Variants in OXR1 observed in about 807,000 individuals in gnomAD.
The protein encoded by OXR1 is oxidation resistance protein 1.
Under a neutral mutation model 104.6 loss-of-function variants are expected in OXR1, and 41 were observed. The observed-to-expected ratio is 0.39, with a 90% CI of 0.31 to 0.51. The LOEUF is 0.51. Ranked by LOEUF, OXR1 falls within the 20% of genes least tolerant of loss-of-function variation. OXR1 has a pLI of 0.77. For synonymous variants in OXR1, 348 were observed against 348.4 expected (o/e 1.00, Z 0.01); for missense variants, 955 against 1,031.9 (o/e 0.93, Z 1.02).
intron 3 of OXR1, among the ~76,000 whole-genome samples, chr8:106,590,493 G>A (rs1249181638): frequency 5.9e-5 from 9 of 152,080 alleles, no homozygotes; most frequent in Admixed American, 5.9e-4. Context: ...TCACCATGTT[G>A]GCCAGGATGG....
At chr8:106,549,321 C>A (rs976913842) in intron 3 of OXR1, among the ~76,000 whole-genome samples, 1 of 150,252 alleles carries the variant, frequency 6.7e-6, no homozygotes, top group African/African-American at 2.5e-5. Flanking sequence ...ATGGCTACTT[C>A]GTTTATTACT....
chr8:106,726,267 A>G (rs774471261), intron 11 of OXR1: 3 of 1,530,388 alleles, frequency 2.0e-6, no homozygotes, highest in South Asian at 2.4e-5. Flanking sequence ...GGTATGGGAA[A>G]AAAGGGAGAA....
At chr8:106,556,878 CAGCTAGTCTG>C (rs1024782335) in intron 3 of OXR1, among the ~76,000 whole-genome samples, 3 of 152,210 alleles carry the variant, frequency 2.0e-5, no homozygotes, top group African/African-American at 7.2e-5. Context: ...TGTTTCCTAA[CAGCTAGTCTG>C]AGCTTTCCTC....
At chr8:106,645,107 T>C (rs1481740922) in intron 3 of OXR1, among the ~76,000 whole-genome samples, 1 of 152,120 alleles carries the variant, frequency 6.6e-6, no homozygotes, top group Non-Finnish European at 1.5e-5. Flanking sequence ...CTACATAATG[T>C]ATAGGCTCTA....
chr8:106,600,363 G>A (rs3101545), intron 3 of OXR1, among the ~76,000 whole-genome samples: 90,903 of 151,972 alleles, frequency 0.6, 28,032 homozygotes, highest in African/African-American at 0.76. Flanking sequence ...AGTTTAGCCC[G>A]GCCTAGACTA....
chr8:106,752,262 G>A lies in OXR1; in HGVS notation c.*1321G>A, dbSNP rs1237042845. The A allele has an allele frequency of 1.3e-5, 2 of 152,432 alleles. No homozygotes were observed. Among genetic ancestry groups the A allele is most frequent in the African/African-American group, 4.8e-5 (2 of 41,406 alleles). 9.4% of individuals were successfully genotyped at this position (152,432 alleles called of 1,614,324 possible). On this transcript the variant is annotated 3_prime_UTR_variant, in exon 17 of 17. Coordinates refer to ENST00000517566, the MANE Select transcript of OXR1 (RefSeq NM_001198533.2). ...TTCTTACAGAAAGTGTTGATTGCCAGGTTGCTTATAGCACTTTAAGTTATT... is the reference window on the plus strand; with the variant it reads ...TTCTTACAGAAAGTGTTGATTGCCAAGTTGCTTATAGCACTTTAAGTTATT...
intron 2 of OXR1, among the ~76,000 whole-genome samples, chr8:106,492,359 A>G (rs928967311): frequency 6.6e-6 from 1 of 152,346 alleles, no homozygotes; most frequent in Non-Finnish European, 1.5e-5. Flanking sequence ...TTAAAAAGAA[A>G]GCTAAAACTT....
chr8:106,404,332 T>C (rs1399174679), intron 2 of OXR1, among the ~76,000 whole-genome samples: 2 of 152,278 alleles, frequency 1.3e-5, no homozygotes, highest in East Asian at 3.9e-4. Flanking sequence ...CATCAGAGTT[T>C]TCCTACATAT....
At chr8:106,714,634 C>T (rs577533662) in intron 11 of OXR1, among the ~76,000 whole-genome samples, 6 of 152,096 alleles carry the variant, frequency 3.9e-5, no homozygotes, top group African/African-American at 1.4e-4. Context: ...TACATATTAC[C>T]TTTTACATGC....
chr8:106,665,332 G>A (rs1826175266), intron 3 of OXR1, among the ~76,000 whole-genome samples: 1 of 152,180 alleles, frequency 6.6e-6, no homozygotes. Flanking sequence ...ACAGATGTGG[G>A]TAGAATGTGT....
At chr8:106,382,795 T>C (rs1450128879) in intron 2 of OXR1, among the ~76,000 whole-genome samples, 1 of 150,782 alleles carries the variant, frequency 6.6e-6, no homozygotes, top group African/African-American at 2.4e-5. Flanking sequence ...TAAATGTTTA[T>C]ACCTTTTCTG....
chr8:106,432,644 GTT>G (rs10598844), intron 2 of OXR1, among the ~76,000 whole-genome samples: 34,286 of 150,252 alleles, frequency 0.23, 5,371 homozygotes, highest in African/African-American at 0.43. Flanking sequence ...CCATACCAAG[GTT>G]TTTTTTTTCT....
At chr8:106,425,398 T>A (rs1039950927) in intron 2 of OXR1, among the ~76,000 whole-genome samples, 3 of 152,130 alleles carry the variant, frequency 2.0e-5, no homozygotes, top group African/African-American at 7.2e-5. Context: ...ATTTAGTTTT[T>A]AATATTACCT....
intron 1 of OXR1, among the ~76,000 whole-genome samples, chr8:106,343,066 C>T (rs1314876764): frequency 2.6e-5 from 4 of 152,194 alleles, no homozygotes; most frequent in African/African-American, 9.6e-5. Flanking sequence ...TGTCCCTCCT[C>T]CTCCATCACT....
At chr8:106,284,219 G>A (rs1421493301) in intron 1 of OXR1, among the ~76,000 whole-genome samples, 1 of 152,024 alleles carries the variant, frequency 6.6e-6, no homozygotes, top group East Asian at 1.9e-4. Context: ...AGGTTGTGCT[G>A]CAGAGGAACA....
At chr8:106,724,996 A>G (rs943890980) in intron 11 of OXR1, among the ~76,000 whole-genome samples, 9 of 152,176 alleles carry the variant, frequency 5.9e-5, no homozygotes, top group Non-Finnish European at 1.2e-4. Context: ...ATTATATAAT[A>G]TTGCTGATGG....
chr8:106,339,351 C>G lies in OXR1; in HGVS notation c.-138-20125C>G, dbSNP rs554377065. Among the ~76,000 whole-genome samples the G allele has an allele frequency of 2.6e-4, 39 of 150,148 alleles. No homozygotes were observed. The East Asian group carries it at 7.1e-3, about 27-fold the overall frequency. The stretch of plus-strand genomic sequence containing the variant: ...TCTACTAAAAATACAAAAAATCAGC[C>G]GGGCGTGGTGGCGAGCACCTGTAGT... On this transcript the variant is annotated intron_variant, in intron 1 of 16. Transcript: ENST00000517566.
intron 3 of OXR1, among the ~76,000 whole-genome samples, chr8:106,544,207 C>CT (rs71307066): frequency 0.012 from 1,569 of 135,496 alleles, 7 homozygotes; most frequent in Non-Finnish European, 0.013. Context: ...TTTTCTTTTT[C>CT]TTTTTTTTTT....
chr8:106,568,768 A>G (rs913648654), intron 3 of OXR1, among the ~76,000 whole-genome samples: 1 of 152,160 alleles, frequency 6.6e-6, no homozygotes, highest in African/African-American at 2.4e-5. Context: ...TAAAATTAAT[A>G]CCAACATGAT....
Sources: allele counts gnomAD v4.1 joint callset (sites outside exome capture counted in the v4.1 genomes callset), GRCh38; gene constraint gnomAD v4.1.1; transcripts MANE v1.5; gene names NCBI Gene and HGNC (gene_info 2026-07-23, HGNC 2026-07-21).